AZI2: variants seen among roughly 807,000 people sequenced by gnomAD.
The protein encoded by AZI2 is 5-azacytidine-induced protein 2.
In AZI2, 22 loss-of-function variants were observed where a neutral mutation model predicts 45.8. The observed-to-expected ratio is 0.48, with a 90% CI of 0.34 to 0.69. AZI2 has a LOEUF of 0.69. Among genes scored for constraint, AZI2 ranks in the 30% least tolerant of loss-of-function variants. The pLI, the probability that AZI2 is intolerant of heterozygous loss-of-function variation, is 0.01. For missense variants in AZI2, 417 were observed against 441.5 expected, an observed-to-expected ratio of 0.94 and a Z score of 0.50; for synonymous variants, 137 against 156.7, an observed-to-expected ratio of 0.87 and a Z score of 0.94.
chr3:28,322,216 C>G lies in AZI2; in HGVS notation c.*1826G>C, dbSNP rs1043889235. ...TATACCTGTTTGATAGCTATCATCA[C>G]TGTACTGTTTAAATGGAAAATAATT... On this transcript the variant is annotated 3_prime_UTR_variant, in exon 8 of 8. Coordinates refer to ENST00000479665, the MANE Select transcript of AZI2 (RefSeq NM_022461.5). 6.6e-6 allele frequency: 1 copy of G among 151,220 alleles called. No individual in the cohort carries two copies. The highest frequency in any genetic ancestry group is 1.5e-5 in the Non-Finnish European group (1 of 67,420). The allele number at this position is 151,220 out of a possible 1,614,324, so 9.4% of individuals were successfully genotyped here. A position where few individuals can be genotyped will look rare whatever the true frequency, so the allele number is the denominator to read the frequency against.
At chr3:28,335,630 A>G (rs1338696564) in intron 5 of AZI2, among the ~76,000 whole-genome samples, 1 of 152,024 alleles carries the variant, frequency 6.6e-6, no homozygotes, top group African/African-American at 2.4e-5. Context: ...GCAGACTGCT[A>G]TATTATTCTT....
chr3:28,326,972 A>C, intron 6 of AZI2, 22 bp from the exon 7 acceptor site: 1 of 1,512,128 alleles, frequency 6.6e-7, no homozygotes, highest in Non-Finnish European at 9.1e-7. Flanking sequence ...TTTTTTACAA[A>C]AAGTTAATAC....
intron 1 of AZI2, among the ~76,000 whole-genome samples, chr3:28,341,263 C>T (rs1359805209): frequency 1.3e-5 from 2 of 151,976 alleles, no homozygotes; most frequent in Non-Finnish European, 2.9e-5. Flanking sequence ...ATTATCTGAA[C>T]AATTCTATGA....
chr3:28,340,002 G>T (rs957358847), intron 2 of AZI2, among the ~76,000 whole-genome samples: 3 of 151,942 alleles, frequency 2.0e-5, no homozygotes, highest in African/African-American at 7.2e-5. Context: ...AAAGATTTCA[G>T]CCTTGGTAAA....
chr3:28,332,726 C>T (rs774737914), intron 5 of AZI2, among the ~76,000 whole-genome samples: 3 of 151,710 alleles, frequency 2.0e-5, no homozygotes, highest in Non-Finnish European at 3.0e-5. Flanking sequence ...AGACACCAAT[C>T]TGAAGTGTAT....
chr3:28,341,891 G>T (rs962738801), intron 1 of AZI2, among the ~76,000 whole-genome samples: 5 of 152,132 alleles, frequency 3.3e-5, no homozygotes, highest in African/African-American at 9.6e-5. Flanking sequence ...TATAGATGAA[G>T]AAACTGAGGT....
chr3:28,324,276 G>A lies in AZI2; in HGVS notation c.945C>T (p.Ile315=). Residue 315 remains isoleucine (I), a synonymous_variant, in exon 8 of 8, where the codon ATC becomes ATT. Coordinates refer to ENST00000479665, the MANE Select transcript of AZI2 (RefSeq NM_022461.5). Reference sequence around the variant, plus strand: ...TCTCATTGTCTGTCCATGATTGGAGGATTGCTTTCTCTGATAAAACCTTTA... The same window carrying A: ...TCTCATTGTCTGTCCATGATTGGAGAATTGCTTTCTCTGATAAAACCTTTA... ...GDVKVLSEKA[I]LQSWTDNERS... is the part of the protein sequence containing the mutation. 6.2e-7 allele frequency: 1 copy of A among 1,608,906 alleles called. No individual in the cohort carries two copies.
intron 7 of AZI2, among the ~76,000 whole-genome samples, chr3:28,325,996 CTT>C (rs777398103): frequency 4.6e-5 from 7 of 151,184 alleles, no homozygotes; most frequent in East Asian, 1.9e-4. Context: ...ACACAATCCT[CTT>C]GTGTCCTCTT....
chr3:28,342,711 GCACACACACACACA>G (rs71087691), intron 1 of AZI2, among the ~76,000 whole-genome samples: 38 of 147,576 alleles, frequency 2.6e-4, no homozygotes, highest in South Asian at 6.5e-4. Flanking sequence ...TCTTACACAT[GCACACACACACACA>G]CACACACACA....
chr3:28,338,488 C>T lies in AZI2; in HGVS notation c.339+5G>A. The T allele has an allele frequency of 6.5e-7, 1 of 1,539,630 alleles. No homozygotes were observed. Among genetic ancestry groups the T allele is most frequent in the Non-Finnish European group, 8.9e-7 (1 of 1,129,668 alleles). Reference sequence around the variant, plus strand: ...GCAGATGTCATTCGCTTCAAATCAACTTACCATTTTGTCCAGTTTGCTCTT... The same window carrying T: ...GCAGATGTCATTCGCTTCAAATCAATTTACCATTTTGTCCAGTTTGCTCTT... On this transcript the variant is annotated splice_donor_5th_base_variant and intron_variant, in intron 3 of 7. Coordinates refer to ENST00000479665, the MANE Select transcript of AZI2 (RefSeq NM_022461.5).
chr3:28,321,750 T>C lies in AZI2; in HGVS notation c.*2292A>G, dbSNP rs7613767. ...GGTTTTCTAATGTTTCACATAGGCATGTTCCTGCTTTTAAGAATTCAGTTC... is the reference window on the plus strand; with the variant it reads ...GGTTTTCTAATGTTTCACATAGGCACGTTCCTGCTTTTAAGAATTCAGTTC... On this transcript the variant is annotated 3_prime_UTR_variant, in exon 8 of 8. Transcript: ENST00000479665. 119,773 of 151,160 alleles carry C rather than the reference T, an allele frequency of 0.79. 48,078 individuals carry two copies. The highest frequency in any genetic ancestry group is 0.93 in the African/African-American group (38,627 of 41,408). The allele number at this position is 151,160 out of a possible 1,614,324, so 9.4% of individuals were successfully genotyped here.
In AZI2 at chr3:28,328,601, T is replaced by G. The variant is rs1411957523; in HGVS notation, c.648-1651A>C. The stretch of plus-strand genomic sequence containing the variant: ...CTAATAAAAACTTTTCAGTTCAATT[T>G]AATGAAGACTGCTTAAAACTTAGGT... On this transcript the variant is annotated intron_variant, in intron 6 of 7. Transcript: ENST00000479665. 2.6e-5 allele frequency among the ~76,000 whole-genome samples: 4 copies of G among 151,156 alleles called. No homozygotes were observed. The Admixed American group carries it at 2.7e-4, about 10-fold the overall frequency.
intron 7 of AZI2, chr3:28,325,023 A>G (rs1703332301): frequency 6.6e-6 from 1 of 150,764 alleles, no homozygotes; most frequent in African/African-American, 2.4e-5. Context: ...TTATATATCA[A>G]AGGCTTTTAT....
At position 28,338,704 on chromosome 3, in the gene AZI2, T is replaced by C. The variant is rs970848619; in HGVS notation, c.217-89A>G. On this transcript the variant is annotated intron_variant, in intron 2 of 7. Coordinates refer to ENST00000479665, the MANE Select transcript of AZI2 (RefSeq NM_022461.5). ...TGTTCTGATGGCTCCATATCTTACT[T>C]CAATCGTAATAAGGGGATAAAGCCT... 9 of 1,175,558 alleles carry C rather than the reference T, an allele frequency of 7.7e-6. No homozygotes were observed. The Middle Eastern group carries it at 9.7e-4, about 127-fold the overall frequency. The allele number at this position is 1,175,558 out of a possible 1,614,324, so 72.8% of individuals were successfully genotyped here. A position where few individuals can be genotyped will look rare whatever the true frequency, so the allele number is the denominator to read the frequency against.
chr3:28,325,924 T>G (rs1159317645), intron 7 of AZI2, among the ~76,000 whole-genome samples: 1 of 151,046 alleles, frequency 6.6e-6, no homozygotes, highest in Non-Finnish European at 1.5e-5. Flanking sequence ...ACATTCAATT[T>G]TCCTTCCCAA....
At position 28,338,156 on chromosome 3, in the gene AZI2, T is replaced by C. The variant is rs189387481; in HGVS notation, c.340-120A>G. ...TGTCTTTAAAAGCAAGGTGACAAAA[T>C]GAACTCAGTTTCTCAGAAATGTCTT... On this transcript the variant is annotated intron_variant, in intron 3 of 7. Coordinates refer to ENST00000479665, the MANE Select transcript of AZI2 (RefSeq NM_022461.5). The C allele has an allele frequency of 2.2e-3, 1,182 of 527,592 alleles. 2 individuals are homozygous for C. Among genetic ancestry groups the C allele is most frequent in the Admixed American group, 5.0e-3 (126 of 24,984 alleles). 32.7% of individuals were successfully genotyped at this position (527,592 alleles called of 1,614,324 possible). A position where few individuals can be genotyped will look rare whatever the true frequency, so the allele number is the denominator to read the frequency against.
Position 28,336,786 on chromosome 3 carries a change from C to T in AZI2, c.539G>A (p.Arg180Lys). The part of the protein sequence containing the change: ...HGLEQELELM[R>K]KECSDLKIEL... ...TATTTTGAGATCGCTACATTCTTTCCTCATCAGTTCCAGCTCTTGTTCCAA... is the reference window on the plus strand; with the variant it reads ...TATTTTGAGATCGCTACATTCTTTCTTCATCAGTTCCAGCTCTTGTTCCAA... Residue 180 changes from arginine to lysine, a missense_variant, in exon 5 of 8, where the codon AGG becomes AAG. Physicochemically the swap from Arg to Lys is conservative, Grantham distance 26. Coordinates refer to ENST00000479665, the MANE Select transcript of AZI2 (RefSeq NM_022461.5). The T allele has an allele frequency of 6.2e-7, 1 of 1,613,346 alleles. No individual in the cohort carries two copies. The highest frequency in any genetic ancestry group is 8.5e-7 in the Non-Finnish European group (1 of 1,179,634).
chr3:28,340,729 A>T, intron 1 of AZI2, 107 bp from the exon 2 acceptor site: 1 of 862,400 alleles, frequency 1.2e-6, no homozygotes, highest in Non-Finnish European at 1.7e-6. Flanking sequence ...ATGTTTAAAA[A>T]CCAGACTGCC....
At chr3:28,327,002 A>G (rs779506813) in intron 6 of AZI2, 52 bp from the exon 7 acceptor site, 23 of 1,234,336 alleles carry the variant, frequency 1.9e-5, no homozygotes, top group Non-Finnish European at 2.6e-5. Flanking sequence ...TTTTTTAGAC[A>G]AAAGGGAATA....
Sources: allele counts gnomAD v4.1 joint callset (sites outside exome capture counted in the v4.1 genomes callset), GRCh38; gene constraint gnomAD v4.1.1; transcripts MANE v1.5; gene names NCBI Gene and HGNC (gene_info 2026-07-23, HGNC 2026-07-21).